OR7E24: variants seen among roughly 807,000 people sequenced by gnomAD.
The protein encoded by OR7E24 is olfactory receptor family 7 subfamily E member 24.
For missense variants in OR7E24, 385 were observed against 410.3 expected, an observed-to-expected ratio of 0.94 and a Z score of 0.53; for synonymous variants, 130 against 157.5, an observed-to-expected ratio of 0.83 and a Z score of 1.31.
chr19:9,215,448 C>A, the OR7E24 span, among the ~76,000 whole-genome samples: 1 of 150,438 alleles, frequency 6.6e-6, no homozygotes, highest in African/African-American at 2.4e-5. Flanking sequence ...TGGTGTGAAT[C>A]TTCCAAAATA....
the OR7E24 span, among the ~76,000 whole-genome samples, chr19:9,223,526 TCCCACCA>T: frequency 6.6e-6 from 1 of 152,188 alleles, no homozygotes; most frequent in South Asian, 2.1e-4. Flanking sequence ...GACCAGGTGG[TCCCACCA>T]CCTCAAATGA....
the OR7E24 span, among the ~76,000 whole-genome samples, chr19:9,228,287 C>T: frequency 6.6e-6 from 1 of 152,124 alleles, no homozygotes; most frequent in Non-Finnish European, 1.5e-5. Context: ...TTTTCTTTGT[C>T]TTATGGTGTA....
chr19:9,216,404 C>T, the OR7E24 span, among the ~76,000 whole-genome samples: 1 of 152,146 alleles, frequency 6.6e-6, no homozygotes, highest in Non-Finnish European at 1.5e-5. Flanking sequence ...CACCAACTTA[C>T]TACTGTATAC....
upstream of OR7E24, among the ~76,000 whole-genome samples, chr19:9,243,802 C>T (rs2066122363): frequency 6.6e-6 from 1 of 152,212 alleles, no homozygotes; most frequent in Non-Finnish European, 1.5e-5. Flanking sequence ...TGAGAAGTTG[C>T]CTCAAGCAGT....
upstream of OR7E24, among the ~76,000 whole-genome samples, chr19:9,249,202 A>G (rs1482526331): frequency 2.0e-5 from 3 of 152,346 alleles, no homozygotes; most frequent in East Asian, 1.9e-4. Context: ...TTGCCCTTAT[A>G]TAAGTAAGTA....
In OR7E24 at chr19:9,252,242, T is replaced by G. The variant is rs1371465321; in HGVS notation, c.*179T>G. 1 of 567,328 alleles carries G rather than the reference T, an allele frequency of 1.8e-6. No individual in the cohort carries two copies. Among genetic ancestry groups the G allele is most frequent in the African/African-American group, 1.9e-5 (1 of 53,190 alleles). The allele number at this position is 567,328 out of a possible 1,614,324, so 35.1% of individuals were successfully genotyped here. A position where few individuals can be genotyped will look rare whatever the true frequency, so the allele number is the denominator to read the frequency against. On this transcript the variant is annotated 3_prime_UTR_variant, in exon 1 of 1. Transcript: ENST00000456448. ...TATCCTTTGTTCATCATACACATCA[T>G]GAATGATTCCAATATACCTAGACAG... is the stretch of plus-strand genomic sequence containing the variant.
chr19:9,246,318 T>G (rs1039904395), upstream of OR7E24, among the ~76,000 whole-genome samples: 6 of 152,086 alleles, frequency 3.9e-5, no homozygotes, highest in African/African-American at 7.2e-5. Flanking sequence ...TCTGCCTGCC[T>G]TGGCCTCCCA....
At chr19:9,224,913 G>C in the OR7E24 span, among the ~76,000 whole-genome samples, 1 of 152,300 alleles carries the variant, frequency 6.6e-6, no homozygotes, top group Admixed American at 6.5e-5. Context: ...GTATGTGGGT[G>C]ATCCATTTAA....
chr19:9,229,937 C>A, the OR7E24 span, among the ~76,000 whole-genome samples: 1 of 151,224 alleles, frequency 6.6e-6, no homozygotes, highest in Non-Finnish European at 1.5e-5. Context: ...TGTGACCCAA[C>A]AAGGGCTGCT....
chr19:9,235,783 A>C, the OR7E24 span: 1 of 1,609,920 alleles, frequency 6.2e-7, no homozygotes. Flanking sequence ...TGTAGCTGGG[A>C]TCCTCTTCTC....
chr19:9,213,829 G>T, the OR7E24 span: 1 of 1,098,374 alleles, frequency 9.1e-7, no homozygotes, highest in Non-Finnish European at 1.3e-6. Context: ...AAAAGAGCCG[G>T]ATATTTAAAC....
the OR7E24 span, among the ~76,000 whole-genome samples, chr19:9,241,083 T>C: frequency 2.0e-5 from 3 of 152,228 alleles, no homozygotes; most frequent in Admixed American, 2.0e-4. Context: ...ACCCAAATGC[T>C]GGGATTACAG....
the OR7E24 span, among the ~76,000 whole-genome samples, chr19:9,218,983 G>A: frequency 1.3e-5 from 2 of 152,062 alleles, no homozygotes; most frequent in African/African-American, 4.8e-5. Context: ...TTGAATGTCA[G>A]AAATAATTGT....
At chr19:9,233,790 G>A in the OR7E24 span, among the ~76,000 whole-genome samples, 1 of 152,000 alleles carries the variant, frequency 6.6e-6, no homozygotes, top group Non-Finnish European at 1.5e-5. Flanking sequence ...AACCAGAGCA[G>A]AAAAACAACA....
the OR7E24 span, among the ~76,000 whole-genome samples, chr19:9,233,535 T>C: frequency 1.3e-5 from 2 of 152,234 alleles, no homozygotes; most frequent in Non-Finnish European, 2.9e-5. Context: ...ACATGCTTTT[T>C]TCTCTTCTTG....
upstream of OR7E24, among the ~76,000 whole-genome samples, chr19:9,250,223 T>C (rs548517171): frequency 1.2e-4 from 19 of 152,122 alleles, no homozygotes; most frequent in African/African-American, 1.2e-4. Flanking sequence ...GCCTCCTGAG[T>C]AGCTGGGACT....
At chr19:9,237,128 A>C in the OR7E24 span, among the ~76,000 whole-genome samples, 1 of 152,122 alleles carries the variant, frequency 6.6e-6, no homozygotes, top group African/African-American at 2.4e-5. Flanking sequence ...GTTCATTCAT[A>C]AAATTCATAG....
chr19:9,206,584 C>T, the OR7E24 span: 2 of 152,020 alleles, frequency 1.3e-5, no homozygotes, highest in Non-Finnish European at 2.9e-5. Context: ...GAAACTGCAA[C>T]CTTAAGGAAA....
chr19:9,231,304 G>A, the OR7E24 span, among the ~76,000 whole-genome samples: 8,903 of 152,118 alleles, frequency 0.059, 832 homozygotes, highest in African/African-American at 0.2. Flanking sequence ...CTTGGTGGCC[G>A]GGCATGGTGG....
Sources: gnomAD v4.1 joint callset for allele counts (sites outside exome capture counted in the v4.1 genomes callset) on GRCh38, gnomAD v4.1.1 for gene constraint, MANE v1.5 for transcripts, NCBI Gene and HGNC (gene_info 2026-07-23, HGNC 2026-07-21) for gene names.